FAM240B: variants seen among roughly 807,000 people sequenced by gnomAD.
FAM240B encodes protein FAM240B.
chr9:38,707,624 A>AC lies in FAM240B; in HGVS notation c.-3-3623_-3-3622insG, dbSNP rs1554688064. ...TCTACTAAAAAAAACAAAAAAAAAAAACAAAAAAAAAACCAAAAAATTAGC... is the reference window on the plus strand; with the variant it reads ...TCTACTAAAAAAAACAAAAAAAAAAACACAAAAAAAAAACCAAAAAATTAGC... On this transcript the variant is annotated intron_variant, in intron 1 of 2. Coordinates refer to ENST00000637493, the MANE Select transcript of FAM240B (RefSeq NM_001394922.1). Among the ~76,000 whole-genome samples, 6 of 140,718 alleles carry AC rather than the reference A, an allele frequency of 4.3e-5. No homozygotes were observed. In the East Asian group the frequency reaches 1.2e-3, roughly 27 times the overall value. The allele number at this position is 140,718 out of a possible 152,430, so 92.3% of individuals were successfully genotyped here.
At chr9:38,707,537 G>A (rs1354152409) in intron 1 of FAM240B, among the ~76,000 whole-genome samples, 4 of 151,622 alleles carry the variant, frequency 2.6e-5, no homozygotes, top group Non-Finnish European at 5.9e-5. Flanking sequence ...GAGAGGCCAA[G>A]GCAGGCGGAT....
chr9:38,698,345 G>A (rs62539017), intron 2 of FAM240B, among the ~76,000 whole-genome samples: 7,911 of 152,216 alleles, frequency 0.052, 311 homozygotes, highest in Non-Finnish European at 0.086. Context: ...TACAAATTAT[G>A]GTTGAATTGC....
intron 1 of FAM240B, among the ~76,000 whole-genome samples, chr9:38,713,666 A>G (rs117784165): frequency 0.021 from 3,253 of 152,186 alleles, 51 homozygotes; most frequent in South Asian, 0.037. Context: ...TAAGAAGATG[A>G]CTGTGTTCTT....
At chr9:38,700,247 G>A (rs1821110690) in intron 2 of FAM240B, among the ~76,000 whole-genome samples, 1 of 152,222 alleles carries the variant, frequency 6.6e-6, no homozygotes, top group African/African-American at 2.4e-5. Flanking sequence ...CATCTGGCTA[G>A]TAGATTCTGA....
chr9:38,710,657 G>A (rs1329683470), intron 1 of FAM240B, among the ~76,000 whole-genome samples: 1 of 152,210 alleles, frequency 6.6e-6, no homozygotes, highest in Non-Finnish European at 1.5e-5. Context: ...GTGGAAGTGA[G>A]TTCAGAAATG....
intron 1 of FAM240B, among the ~76,000 whole-genome samples, chr9:38,705,904 G>T (rs73646236): frequency 0.023 from 3,434 of 149,650 alleles, 124 homozygotes; most frequent in African/African-American, 0.079. Flanking sequence ...AGCTGCCCTA[G>T]ACTACATGCT....
At chr9:38,705,734 C>T (rs1821183947) in intron 1 of FAM240B, among the ~76,000 whole-genome samples, 1 of 152,188 alleles carries the variant, frequency 6.6e-6, no homozygotes, top group Non-Finnish European at 1.5e-5. Context: ...GCAGCAGGAG[C>T]TTCCCACCTG....
intron 2 of FAM240B, among the ~76,000 whole-genome samples, chr9:38,700,711 C>T (rs930794810): frequency 4.6e-5 from 7 of 152,234 alleles, no homozygotes; most frequent in Non-Finnish European, 8.8e-5. Flanking sequence ...TTTCTAACTT[C>T]TTTGGGGGAC....
intron 2 of FAM240B, among the ~76,000 whole-genome samples, chr9:38,701,082 A>G (rs1821120706): frequency 6.6e-6 from 1 of 152,108 alleles, no homozygotes. Flanking sequence ...CATTTAGAAC[A>G]TTTCTTGATT....
At chr9:38,696,986 T>C (rs1821077158) in intron 2 of FAM240B, among the ~76,000 whole-genome samples, 1 of 152,212 alleles carries the variant, frequency 6.6e-6, no homozygotes, top group African/African-American at 2.4e-5. Flanking sequence ...TCACAAGCTT[T>C]TTTTGTTACA....
At chr9:38,718,859 A>G (rs1821338955) in intron 1 of FAM240B, among the ~76,000 whole-genome samples, 1 of 152,152 alleles carries the variant, frequency 6.6e-6, no homozygotes, top group Admixed American at 6.5e-5. Flanking sequence ...TAGAGTTACC[A>G]TATTAATACT....
chr9:38,700,984 C>T (rs548713831), intron 2 of FAM240B, among the ~76,000 whole-genome samples: 8 of 152,312 alleles, frequency 5.3e-5, no homozygotes, highest in East Asian at 1.9e-4. Context: ...GGGAGAGGAA[C>T]GTAAGACATT....
rs1223879581 is a variant in FAM240B at position 38,694,351 on chromosome 9, G to A, written c.*425C>T. The stretch of plus-strand genomic sequence containing the variant: ...CGGGGAAAGAAGGACAAGATTTTAT[G>A]ACTCTTTTTCCAGGACACCTGGCAA... On this transcript the variant is annotated 3_prime_UTR_variant, in exon 3 of 3. Coordinates refer to ENST00000637493, the MANE Select transcript of FAM240B (RefSeq NM_001394922.1). 1 of 155,966 alleles carries A rather than the reference G, an allele frequency of 6.4e-6. No homozygotes were observed. The highest frequency in any genetic ancestry group is 1.4e-5 in the Non-Finnish European group (1 of 70,730). 9.7% of individuals were successfully genotyped at this position (155,966 alleles called of 1,614,324 possible). A position where few individuals can be genotyped will look rare whatever the true frequency, so the allele number is the denominator to read the frequency against.
At chr9:38,696,581 G>A (rs1265380307) in intron 2 of FAM240B, among the ~76,000 whole-genome samples, 2 of 152,236 alleles carry the variant, frequency 1.3e-5, no homozygotes, top group Non-Finnish European at 2.9e-5. Flanking sequence ...AGGCCAAGGC[G>A]GGCAGATCAC....
chr9:38,707,539 C>T lies in FAM240B; in HGVS notation c.-3-3537G>A, dbSNP rs141224677. Among the ~76,000 whole-genome samples the T allele has an allele frequency of 3.0e-3, 453 of 150,298 alleles. 2 individuals are homozygous for T. The highest frequency in any genetic ancestry group is 0.01 in the African/African-American group (411 of 40,904). ...ATCCCAGCACTTTGAGAGGCCAAGGCAGGCGGATCACGAGGTCAAGAGATG... is the reference window on the plus strand; with the variant it reads ...ATCCCAGCACTTTGAGAGGCCAAGGTAGGCGGATCACGAGGTCAAGAGATG... On this transcript the variant is annotated intron_variant, in intron 1 of 2. Coordinates refer to ENST00000637493, the MANE Select transcript of FAM240B (RefSeq NM_001394922.1).
At chr9:38,712,706 T>C (rs542222542) in intron 1 of FAM240B, among the ~76,000 whole-genome samples, 18 of 152,304 alleles carry the variant, frequency 1.2e-4, no homozygotes, top group African/African-American at 4.1e-4. Context: ...ATTGCTAATA[T>C]GATCTTAAAA....
chr9:38,705,630 T>G (rs1256201154), intron 1 of FAM240B: 4 of 151,954 alleles, frequency 2.6e-5, no homozygotes, highest in African/African-American at 4.8e-5. Context: ...GAAATAACAT[T>G]TATTATTTTA....
Position 38,710,584 on chromosome 9 carries a change from A to G in FAM240B, c.-3-6582T>C, listed in dbSNP as rs190764252. Among the ~76,000 whole-genome samples, 291 of 152,266 alleles carry G rather than the reference A, an allele frequency of 1.9e-3. 1 individual carries two copies. The highest frequency in any genetic ancestry group is 2.3e-3 in the Non-Finnish European group (154 of 68,010). ...GGGCAATAGTTCTCCTTTTTAAAGT[A>G]TAGGCAGTGGGGGGAAATGCATTGG... On this transcript the variant is annotated intron_variant, in intron 1 of 2. Coordinates refer to ENST00000637493, the MANE Select transcript of FAM240B (RefSeq NM_001394922.1).
chr9:38,700,490 A>G (rs1330349382), intron 2 of FAM240B, among the ~76,000 whole-genome samples: 2 of 152,218 alleles, frequency 1.3e-5, no homozygotes, highest in Admixed American at 6.5e-5. Flanking sequence ...TTTCTTAGTT[A>G]TAGCTACTGG....
Sources: allele counts gnomAD v4.1 joint callset (sites outside exome capture counted in the v4.1 genomes callset), GRCh38; gene constraint gnomAD v4.1.1; transcripts MANE v1.5; gene names NCBI Gene and HGNC (gene_info 2026-07-23, HGNC 2026-07-21).